The following PLCH2 variants were observed in gnomAD, a reference collection of about 807,000 sequenced individuals.
PLCH2 encodes phospholipase C eta 2.
Under a neutral mutation model 134.7 loss-of-function variants are expected in PLCH2, and 98 were observed. The observed-to-expected ratio is 0.73, with a 90% confidence interval of 0.62 to 0.86. The LOEUF is 0.86. PLCH2 is among the 40% of genes least tolerant of loss of function. The pLI, the probability that PLCH2 is intolerant of heterozygous loss-of-function variation, is 0.00. For synonymous variants in PLCH2, 974 were observed against 827.5 expected (o/e 1.18, Z -3.04); for missense variants, 1,994 against 1,986.6 (o/e 1.00, Z -0.07).
At chr1:2,449,645 T>C (rs1245380506) in intron 2 of PLCH2, among the ~76,000 whole-genome samples, 1 of 152,108 alleles carries the variant, frequency 6.6e-6, no homozygotes, top group African/African-American at 2.4e-5. Context: ...TCTGCCCAGG[T>C]GGTGTCACTG....
In PLCH2 at chr1:2,451,606, C is replaced by T. The variant is rs112443535; in HGVS notation, c.115+20977C>T. Among the ~76,000 whole-genome samples, 686 of 152,238 alleles carry T rather than the reference C, an allele frequency of 4.5e-3. 2 individuals are homozygous for T. Among genetic ancestry groups the T allele is most frequent in the Non-Finnish European group, 7.8e-3 (533 of 67,994 alleles). ...TGGAGGGCAGCCCTGTGGGAGTCTG[C>T]GCCATGGGTGGGCTGGGGGCTCTCG... On this transcript the variant is annotated intron_variant, in intron 2 of 3. Coordinates refer to the PLCH2 transcript ENST00000609981.
At position 2,484,444 on chromosome 1, in the gene PLCH2, G is replaced by A. The variant is rs116547422; in HGVS notation, c.646-4G>A. The A allele has an allele frequency of 4.8e-5, 77 of 1,612,894 alleles. No homozygotes were observed. In the Admixed American group the frequency reaches 1.3e-3, roughly 27 times the overall value. ...CAATGGGGACCCAAGGCCTTGCATT[G>A]CAGGAAGCGGACACGGATGACCACC... On this transcript the variant is annotated splice_region_variant and splice_polypyrimidine_tract_variant and intron_variant, in intron 4 of 21. Coordinates refer to ENST00000378486, the MANE Select transcript of PLCH2 (RefSeq NM_014638.4).
At position 2,498,090 on chromosome 1, in the gene PLCH2, A is replaced by G. The variant is rs142417753; in HGVS notation, c.2225-433A>G. The stretch of plus-strand genomic sequence containing the variant: ...GTATCACCATGGGAGAGGGCAGGAC[A>G]GGGGCTGGGCGAGCAGGCCTCCCAC... On this transcript the variant is annotated intron_variant, in intron 16 of 21. Transcript: ENST00000378486. This position sits in a 1 kb window ranked among gnomAD's most constrained non-coding sequence, Gnocchi z 5.4. The G allele has an allele frequency of 4.3e-3, 1,026 of 241,004 alleles. 9 individuals are homozygous for G. Among genetic ancestry groups the G allele is most frequent in the African/African-American group, 0.021 (942 of 44,676 alleles). 14.9% of individuals were successfully genotyped at this position (241,004 alleles called of 1,614,324 possible). A position where few individuals can be genotyped will look rare whatever the true frequency, so the allele number is the denominator to read the frequency against.
chr1:2,484,575 T>G lies in PLCH2; in HGVS notation c.773T>G (p.Leu258Arg). Reference protein sequence around the residue: ...MLTYSNHKDHLDAASLQRFLQ... With the variant: ...MLTYSNHKDHRDAASLQRFLQ... ...ACCTACAGCAACCACAAGGACCACC[T>G]GGATGCCGCCAGCCTGCAGCGCTTC... The change falls in exon 5 of 22, where the codon CTG becomes CGG. Residue 258 changes from leucine to arginine, a missense_variant. Leu to Arg is a moderately radical substitution (Grantham distance 102). This residue lies in a region of PLCH2 where 1,094 missense variants were observed against 1,234.3 expected (regional missense o/e 0.89). Transcript: ENST00000378486. The G allele has an allele frequency of 6.2e-7, 1 of 1,612,922 alleles. No individual in the cohort carries two copies. The highest frequency in any genetic ancestry group is 8.5e-7 in the Non-Finnish European group (1 of 1,179,806).
intron 21 of PLCH2, chr1:2,503,138 T>C (rs1476240227): frequency 3.0e-6 from 2 of 659,060 alleles, no homozygotes; most frequent in African/African-American, 3.5e-5. Flanking sequence ...TGGAGCTGGT[T>C]TGAGGCCCGA....
intron 10 of PLCH2, among the ~76,000 whole-genome samples, chr1:2,490,541 C>T (rs1642518087): frequency 6.6e-6 from 1 of 152,142 alleles, no homozygotes; most frequent in South Asian, 2.1e-4. Context: ...CAGGGAAGGC[C>T]GTTGCTTCCA....
In PLCH2 at chr1:2,478,468, G is replaced by C; in HGVS notation, c.125-8G>C. 6.2e-7 allele frequency: 1 copy of C among 1,612,530 alleles called. No individual in the cohort carries two copies. The highest frequency in any genetic ancestry group is 8.5e-7 in the Non-Finnish European group (1 of 1,179,700). Reference sequence around the variant, plus strand: ...CTCCGCTGACAGCCGTGTCTCTCCCGTGTCCAGTGGAGCGGTGCATGGGTG... The same window carrying C: ...CTCCGCTGACAGCCGTGTCTCTCCCCTGTCCAGTGGAGCGGTGCATGGGTG... On this transcript the variant is annotated splice_polypyrimidine_tract_variant and splice_region_variant and intron_variant, in intron 1 of 21. Transcript: ENST00000378486.
intron 9 of PLCH2, among the ~76,000 whole-genome samples, 152 bp downstream of exon 9, chr1:2,489,530 C>T (rs896404239): frequency 1.3e-5 from 2 of 152,248 alleles, no homozygotes; most frequent in Non-Finnish European, 2.9e-5. Flanking sequence ...CCTCCATCTC[C>T]CCATGGTGGT....
chr1:2,504,467 C>A lies in PLCH2; in HGVS notation c.3505C>A (p.Arg1169Ser). The A allele has an allele frequency of 6.2e-7, 1 of 1,612,448 alleles. No homozygotes were observed. Among genetic ancestry groups the A allele is most frequent in the Non-Finnish European group, 8.5e-7 (1 of 1,179,718 alleles). Residue 1169 changes from arginine (R) to serine (S), a missense_variant, in exon 22 of 22, where the codon CGT (arginine) becomes AGT (serine). Arg to Ser is a moderately radical substitution (Grantham distance 110). Coordinates refer to ENST00000378486, the MANE Select transcript of PLCH2 (RefSeq NM_014638.4). ...GCCCAGCCTGGGCCTGGGCCGCAGC[C>A]GTGAGAACCTCGCTGGAGCCCACAT... Reference protein sequence around the residue: ...SLPSLGLGRSRENLAGAHMGR... With the variant: ...SLPSLGLGRSSENLAGAHMGR...
Position 2,439,698 on chromosome 1 carries a change from A to G in PLCH2, c.115+9069A>G, listed in dbSNP as rs1179175159. ...CCGCCCAGGTCTCTGGCCCTGAGCC[A>G]TCTGTTCACCTGGGGCTGACACTGC... On this transcript the variant is annotated intron_variant, in intron 2 of 3. Coordinates refer to the PLCH2 transcript ENST00000609981. The surrounding 1 kb of genome is among the most constrained non-coding windows in gnomAD (Gnocchi z 4.7). 6.6e-6 allele frequency among the ~76,000 whole-genome samples: 1 copy of G among 152,128 alleles called. No individual in the cohort carries two copies. The highest frequency in any genetic ancestry group is 1.5e-5 in the Non-Finnish European group (1 of 68,004).
upstream of PLCH2, among the ~76,000 whole-genome samples, chr1:2,473,066 A>G (rs1641412053): frequency 1.3e-5 from 2 of 152,018 alleles, no homozygotes; most frequent in Non-Finnish European, 2.9e-5. Context: ...GTGTTAGGAC[A>G]AGATCGATCT....
chr1:2,463,682 C>T (rs1284830885), upstream of PLCH2, among the ~76,000 whole-genome samples: 1 of 152,224 alleles, frequency 6.6e-6, no homozygotes, highest in Non-Finnish European at 1.5e-5. Flanking sequence ...CTAGCCCCTC[C>T]TCACAGCAGT....
chr1:2,416,326 C>T, the PLCH2 span, among the ~76,000 whole-genome samples: 1 of 152,188 alleles, frequency 6.6e-6, no homozygotes, highest in Non-Finnish European at 1.5e-5. Context: ...GGCAGTGTCC[C>T]CTCCCTTCTC....
At position 2,498,239 on chromosome 1, in the gene PLCH2, C is replaced by T. The variant is rs1225963712; in HGVS notation, c.2225-284C>T. 1 of 443,562 alleles carries T rather than the reference C, an allele frequency of 2.3e-6. No homozygotes were observed. Among genetic ancestry groups the T allele is most frequent in the Non-Finnish European group, 4.1e-6 (1 of 246,806 alleles). 27.5% of individuals were successfully genotyped at this position (443,562 alleles called of 1,614,324 possible). The stretch of plus-strand genomic sequence containing the variant: ...TCACCAGAGACCCCACCCCTCATAC[C>T]CCCAGGGACCCAGACCCACCCCCAG... On this transcript the variant is annotated intron_variant, in intron 16 of 21. Transcript: ENST00000378486. The surrounding 1 kb of genome is among the most constrained non-coding windows in gnomAD (Gnocchi z 5.4).
In PLCH2 at chr1:2,430,945, GA is replaced by G. The variant is rs375305250; in HGVS notation, c.115+317del. ...CCTGCTGCACTGGGGGGGTCTGGGA[GA>G]GGTGCCCCTGCAGCTCACGATGCTT... On this transcript the variant is annotated intron_variant, in intron 2 of 3. Coordinates refer to the PLCH2 transcript ENST00000609981. Among the ~76,000 whole-genome samples the G allele has an allele frequency of 2.2e-3, 328 of 152,334 alleles. 4 individuals are homozygous for G. Among genetic ancestry groups the G allele is most frequent in the African/African-American group, 7.4e-3 (309 of 41,566 alleles).
At chr1:2,450,417 C>T (rs1382794306) in intron 2 of PLCH2, among the ~76,000 whole-genome samples, 13 of 151,940 alleles carry the variant, frequency 8.6e-5, no homozygotes, top group East Asian at 1.9e-4. Context: ...GGATGTTTCC[C>T]GCGGCATTCA....
Position 2,447,262 on chromosome 1 carries a change from T to C in PLCH2, c.115+16633T>C, listed in dbSNP as rs573868821. ...GCTGCAGGGTGGGGCCCCAAGTCTG[T>C]GGGGGGAGGCCCATTTGCTCACCTC... is the stretch of plus-strand genomic sequence containing the variant. On this transcript the variant is annotated intron_variant, in intron 2 of 3. Transcript: ENST00000609981. 1.2e-3 allele frequency among the ~76,000 whole-genome samples: 184 copies of C among 152,246 alleles called. 1 individual carries two copies. The highest frequency in any genetic ancestry group is 2.7e-3 in the Admixed American group (42 of 15,310).
At chr1:2,488,332 G>T (rs113939146) in intron 8 of PLCH2, among the ~76,000 whole-genome samples, 1 of 152,176 alleles carries the variant, frequency 6.6e-6, no homozygotes, top group Non-Finnish European at 1.5e-5. Context: ...GGGCGGGGAT[G>T]GGGGGAGGAG....
intron 4 of PLCH2, among the ~76,000 whole-genome samples, chr1:2,483,201 G>A (rs760960111): frequency 5.9e-5 from 9 of 152,206 alleles, no homozygotes; most frequent in Non-Finnish European, 1.2e-4. Flanking sequence ...CTCAGCCAGT[G>A]TAGGCGGACA....
Sources: allele counts gnomAD v4.1 joint callset (sites outside exome capture counted in the v4.1 genomes callset), GRCh38; gene constraint gnomAD v4.1.1; regional missense constraint gnomAD v4.1.1; non-coding constraint Gnocchi (gnomAD v3.1); transcripts MANE v1.5; gene names NCBI Gene and HGNC (gene_info 2026-07-23, HGNC 2026-07-21).